SYBU: variants seen among roughly 807,000 people sequenced by gnomAD.
SYBU encodes the protein GOLSYN A protein.
A neutral mutation model predicts 35.9 loss-of-function variants in SYBU; 21 were observed. The ratio of observed to expected loss-of-function variants is 0.58; its 90% confidence interval spans 0.41 to 0.84. The LOEUF is 0.84. SYBU is among the 40% of genes least tolerant of loss of function. The probability of loss-of-function intolerance (pLI) is 0.00; values close to 1 mark genes in which losing one functional copy is unlikely to be tolerated. For synonymous variants in SYBU, 319 were observed against 324.3 expected (o/e 0.98, Z 0.18); for missense variants, 768 against 848.2 (o/e 0.91, Z 1.17).
chr8:109,664,765 G>C (rs1816698344), intron 1 of SYBU, among the ~76,000 whole-genome samples: 1 of 152,120 alleles, frequency 6.6e-6, no homozygotes, highest in Non-Finnish European at 1.5e-5. Context: ...ATAGAAAAGA[G>C]AATACTGGGT....
At chr8:109,645,338 C>T (rs1418346059), upstream of SYBU, 13 of 456,556 alleles carry the variant, frequency 2.8e-5, no homozygotes, top group Admixed American at 9.4e-5. Flanking sequence ...CTCTGGGTTC[C>T]GGGATCTGAA....
At chr8:109,612,480 A>T (rs1220253956) in intron 3 of SYBU, among the ~76,000 whole-genome samples, 2 of 152,248 alleles carry the variant, frequency 1.3e-5, no homozygotes, top group African/African-American at 4.8e-5. Context: ...GAATGTTTTC[A>T]TATAACCAAA....
chr8:109,668,137 A>G (rs1452560737), intron 1 of SYBU, among the ~76,000 whole-genome samples: 1 of 107,982 alleles, frequency 9.3e-6, no homozygotes, highest in Non-Finnish European at 1.8e-5. Flanking sequence ...GGGAGGGGGG[A>G]AGGAAGAAGA....
chr8:109,618,796 C>A, intron 3 of SYBU, 46 bp downstream of exon 3: 1 of 1,547,384 alleles, frequency 6.5e-7, no homozygotes, highest in Non-Finnish European at 8.9e-7. Flanking sequence ...TGAAACTACT[C>A]CCATCACATT....
rs958516480 is a variant in SYBU, at chr8:109,644,690, C to T, written c.-31G>A. On this transcript the variant is annotated 5_prime_UTR_variant, in exon 1 of 7. Transcript: ENST00000276646. ...CGCTGCCCGCCGGCTCCTCGCGCCGCCGCTGCCGCCGTCCAGGAGGAGGCA... is the reference window on the plus strand; with the variant it reads ...CGCTGCCCGCCGGCTCCTCGCGCCGTCGCTGCCGCCGTCCAGGAGGAGGCA... 49 of 1,500,182 alleles carry T rather than the reference C, an allele frequency of 3.3e-5. No individual in the cohort carries two copies. Among genetic ancestry groups the T allele is most frequent in the Non-Finnish European group, 4.2e-5 (48 of 1,132,248 alleles). The allele number at this position is 1,500,182 out of a possible 1,614,324, so 92.9% of individuals were successfully genotyped here.
chr8:109,643,024 A>G, intron 1 of SYBU, 92 bp from the exon 2 acceptor site: 2 of 1,454,812 alleles, frequency 1.4e-6, no homozygotes, highest in South Asian at 3.1e-5. Context: ...TTTCTAAGAA[A>G]TCACATTTCT....
chr8:109,652,215 T>TG (rs1264141250), intron 1 of SYBU, among the ~76,000 whole-genome samples: 1 of 152,220 alleles, frequency 6.6e-6, no homozygotes, highest in African/African-American at 2.4e-5. Context: ...TAAATTAGAC[T>TG]GGGGTCTGAG....
intron 2 of SYBU, among the ~76,000 whole-genome samples, chr8:109,624,735 A>C (rs1028804723): frequency 6.6e-6 from 1 of 152,254 alleles, no homozygotes; most frequent in Admixed American, 6.5e-5. Context: ...TGTTCACCTT[A>C]TGAAATATAT....
At chr8:109,618,611 AG>A (rs1346243475) in intron 3 of SYBU, among the ~76,000 whole-genome samples, 7 of 152,226 alleles carry the variant, frequency 4.6e-5, no homozygotes, top group African/African-American at 1.4e-4. Context: ...TTTTAAAAAA[AG>A]CTCTTTATAA....
chr8:109,672,919 G>A (rs1259495107), intron 1 of SYBU, among the ~76,000 whole-genome samples: 1 of 152,246 alleles, frequency 6.6e-6, no homozygotes, highest in Admixed American at 6.5e-5. Context: ...CCACTGGGAA[G>A]TTTGGACTGG....
intron 1 of SYBU, among the ~76,000 whole-genome samples, chr8:109,660,652 C>G (rs1816527439): frequency 6.7e-6 from 1 of 149,840 alleles, no homozygotes; most frequent in African/African-American, 2.4e-5. Flanking sequence ...AAATAAAAAA[C>G]AAACACATCT....
chr8:109,682,976 C>T (rs866367340), upstream of SYBU, among the ~76,000 whole-genome samples: 23 of 152,168 alleles, frequency 1.5e-4, no homozygotes, highest in African/African-American at 4.8e-4. Context: ...CCTGTGGGTG[C>T]ATAGAAGTCA....
At chr8:109,595,303 G>C (rs1824740891) in intron 3 of SYBU, among the ~76,000 whole-genome samples, 1 of 152,178 alleles carries the variant, frequency 6.6e-6, no homozygotes, top group Non-Finnish European at 1.5e-5. Context: ...TCTTCTTTTA[G>C]ATTATAAGTC....
chr8:109,582,101 G>A lies in SYBU; in HGVS notation c.531-2099C>T, dbSNP rs1013233157. 2.6e-5 allele frequency among the ~76,000 whole-genome samples: 4 copies of A among 152,274 alleles called. No individual in the cohort carries two copies. In the South Asian group the frequency reaches 8.3e-4, roughly 32 times the overall value. On this transcript the variant is annotated intron_variant, in intron 4 of 6. Transcript: ENST00000276646. ...TGATTATGAGAAATATGGAAGATTAGCTATTACACCTTAGGCAGGAATGTA... is the reference window on the plus strand; with the variant it reads ...TGATTATGAGAAATATGGAAGATTAACTATTACACCTTAGGCAGGAATGTA...
At chr8:109,672,771 A>C (rs1817032412) in intron 1 of SYBU, among the ~76,000 whole-genome samples, 1 of 152,252 alleles carries the variant, frequency 6.6e-6, no homozygotes, top group Admixed American at 6.5e-5. Flanking sequence ...CAGCAAGCTA[A>C]GATCCACTGG....
At chr8:109,643,665 G>A (rs1029234817) in intron 1 of SYBU, 2 of 155,954 alleles carry the variant, frequency 1.3e-5, no homozygotes, top group Non-Finnish European at 2.8e-5. Flanking sequence ...CCATTTCGTG[G>A]TTTTAAAAAT....
chr8:109,612,841 G>A (rs144691699), intron 3 of SYBU, among the ~76,000 whole-genome samples: 32 of 152,212 alleles, frequency 2.1e-4, no homozygotes, highest in African/African-American at 6.3e-4. Context: ...TTAGCCAGGC[G>A]TGGTGGCAGG....
intron 1 of SYBU, among the ~76,000 whole-genome samples, chr8:109,671,234 G>GT (rs71564051): frequency 0.081 from 12,335 of 151,414 alleles, 615 homozygotes; most frequent in East Asian, 0.12. Context: ...AGCATTTCCA[G>GT]TTTTTTTTTC....
chr8:109,650,935 T>C (rs1816108153), intron 1 of SYBU, among the ~76,000 whole-genome samples: 1 of 152,240 alleles, frequency 6.6e-6, no homozygotes, highest in African/African-American at 2.4e-5. Context: ...CAGTTTCATG[T>C]ATTTACTTTC....
Sources: allele counts gnomAD v4.1 joint callset (sites outside exome capture counted in the v4.1 genomes callset), GRCh38; gene constraint gnomAD v4.1.1; transcripts MANE v1.5; gene names NCBI Gene and HGNC (gene_info 2026-07-23, HGNC 2026-07-21).